The following BANK1 variants were observed in gnomAD, a reference collection of about 807,000 sequenced individuals.
BANK1 encodes the protein B-cell scaffold protein with ankyrin repeats.
BANK1 carries 95 observed loss-of-function variants against 94.5 expected under a neutral mutation model. The observed-to-expected ratio is 1.00, with a 90% CI of 0.85 to 1.19. BANK1 has a LOEUF of 1.19. Ranked by LOEUF, BANK1 falls within the 50% of genes most tolerant of loss-of-function variation. The pLI, the probability that BANK1 is intolerant of heterozygous loss-of-function variation, is 0.00. For synonymous variants in BANK1, 334 were observed against 308.4 expected, an observed-to-expected ratio of 1.08 and a Z score of -0.87; for missense variants, 987 against 932.2, an observed-to-expected ratio of 1.06 and a Z score of -0.77.
chr4:101,973,515 T>G (rs911700152), intron 7 of BANK1, among the ~76,000 whole-genome samples: 4 of 152,084 alleles, frequency 2.6e-5, no homozygotes, highest in Non-Finnish European at 5.9e-5. Flanking sequence ...CCTTAGTCAC[T>G]AAACTTTCCT....
intron 5 of BANK1, among the ~76,000 whole-genome samples, chr4:101,890,474 C>A (rs1182489895): frequency 6.6e-6 from 1 of 151,006 alleles, no homozygotes; most frequent in Admixed American, 6.6e-5. Context: ...ATTAATATAG[C>A]CATTTTTGCT....
In BANK1 at chr4:101,986,539, C is replaced by T. The variant is rs181211316; in HGVS notation, c.1207-34975C>T. ...GATAATTTATCTCTTTGAATTTTTT[C>T]GATGACAAGAAATAGTAAGAGTAAA... is the stretch of plus-strand genomic sequence containing the variant. On this transcript the variant is annotated intron_variant, in intron 7 of 16. Coordinates refer to ENST00000322953, the MANE Select transcript of BANK1 (RefSeq NM_017935.5). Among the ~76,000 whole-genome samples the T allele has an allele frequency of 4.3e-3, 652 of 151,764 alleles. 8 individuals are homozygous for T. The highest frequency in any genetic ancestry group is 0.015 in the African/African-American group (634 of 41,408).
chr4:101,896,298 C>CA, intron 6 of BANK1, among the ~76,000 whole-genome samples: 1 of 151,828 alleles, frequency 6.6e-6, no homozygotes, highest in Non-Finnish European at 1.5e-5. Context: ...ATATGACAGA[C>CA]ATGAAGCTAA....
intron 1 of BANK1, among the ~76,000 whole-genome samples, chr4:101,828,859 T>C (rs1012084971): frequency 6.6e-6 from 1 of 152,064 alleles, no homozygotes; most frequent in Non-Finnish European, 1.5e-5. Context: ...AATCAAGATC[T>C]GTTTTCTCTT....
chr4:101,951,617 T>C (rs1274199873), intron 7 of BANK1, among the ~76,000 whole-genome samples: 2 of 152,084 alleles, frequency 1.3e-5, no homozygotes, highest in Non-Finnish European at 2.9e-5. Flanking sequence ...TTAGATTTAC[T>C]CATATATATA....
intron 5 of BANK1, among the ~76,000 whole-genome samples, chr4:101,883,296 T>G (rs1728740984): frequency 6.6e-6 from 1 of 152,196 alleles, no homozygotes; most frequent in African/African-American, 2.4e-5. Context: ...TTGGTTAAAT[T>G]TAACAGCAGA....
At chr4:101,994,331 C>G (rs1158694318) in intron 7 of BANK1, among the ~76,000 whole-genome samples, 1 of 152,138 alleles carries the variant, frequency 6.6e-6, no homozygotes, top group Non-Finnish European at 1.5e-5. Context: ...CAGACTATTC[C>G]TGATGGAAAC....
intron 4 of BANK1, among the ~76,000 whole-genome samples, chr4:101,868,711 T>C (rs1357135456): frequency 6.6e-6 from 1 of 151,944 alleles, no homozygotes; most frequent in Admixed American, 6.6e-5. Context: ...ACAGTCATCA[T>C]AGTGAACCAA....
chr4:101,926,127 A>G (rs1306604971), intron 7 of BANK1, among the ~76,000 whole-genome samples: 1 of 151,736 alleles, frequency 6.6e-6, no homozygotes, highest in Non-Finnish European at 1.5e-5. Flanking sequence ...AATCCAATGT[A>G]GATTGGGTAT....
intron 7 of BANK1, among the ~76,000 whole-genome samples, chr4:102,004,187 T>C (rs1487404274): frequency 6.6e-6 from 1 of 152,130 alleles, no homozygotes; most frequent in African/African-American, 2.4e-5. Context: ...TATATCCTTA[T>C]TACCAAGAGC....
Position 101,863,919 on chromosome 4 carries a change from G to T in BANK1, c.763+1255G>T, listed in dbSNP as rs145812591. Among the ~76,000 whole-genome samples the T allele has an allele frequency of 3.7e-3, 556 of 152,192 alleles. 3 individuals carry two copies. Among genetic ancestry groups the T allele is most frequent in the African/African-American group, 0.013 (535 of 41,544 alleles). ...CTTAAATAATATTTCCCAAATAGCAGATCAAGATGTCAAATATAATTATTC... is the reference window on the plus strand; with the variant it reads ...CTTAAATAATATTTCCCAAATAGCATATCAAGATGTCAAATATAATTATTC... On this transcript the variant is annotated intron_variant, in intron 4 of 16. Coordinates refer to ENST00000322953, the MANE Select transcript of BANK1 (RefSeq NM_017935.5).
intron 6 of BANK1, among the ~76,000 whole-genome samples, chr4:101,914,723 A>C (rs1722774926): frequency 6.6e-6 from 1 of 152,146 alleles, no homozygotes; most frequent in East Asian, 1.9e-4. Flanking sequence ...AAGTGAACTC[A>C]CCATCAACAC....
At chr4:101,867,360 A>G (rs1438975119) in intron 4 of BANK1, among the ~76,000 whole-genome samples, 1 of 152,058 alleles carries the variant, frequency 6.6e-6, no homozygotes. Context: ...TTTCAAACAG[A>G]AAAATGAAGG....
At chr4:101,989,492 T>C (rs1220555464) in intron 7 of BANK1, among the ~76,000 whole-genome samples, 2 of 147,890 alleles carry the variant, frequency 1.4e-5, no homozygotes, top group Non-Finnish European at 3.0e-5. Context: ...GCCAGAAAAG[T>C]AATATTGATA....
intron 7 of BANK1, among the ~76,000 whole-genome samples, chr4:101,944,078 G>GAC (rs1723847794): frequency 6.6e-6 from 1 of 150,732 alleles, no homozygotes; most frequent in African/African-American, 2.5e-5. Flanking sequence ...GACAGACAGA[G>GAC]AGAGAGAGAA....
chr4:101,843,837 G>A (rs144128936), intron 2 of BANK1, among the ~76,000 whole-genome samples: 26 of 152,254 alleles, frequency 1.7e-4, no homozygotes, highest in African/African-American at 5.8e-4. Context: ...CAGGAGAATC[G>A]CTGGAATCTG....
intron 2 of BANK1, among the ~76,000 whole-genome samples, chr4:101,850,868 G>A (rs34397140): frequency 0.071 from 10,750 of 152,148 alleles, 606 homozygotes; most frequent in East Asian, 0.18. Context: ...AGCAATAGAC[G>A]TTTTGTGTAT....
intron 7 of BANK1, among the ~76,000 whole-genome samples, chr4:101,979,273 T>G (rs1423082810): frequency 6.6e-6 from 1 of 151,982 alleles, no homozygotes; most frequent in African/African-American, 2.4e-5. Flanking sequence ...CCTCTGGTAG[T>G]GTTTAAAATT....
chr4:101,790,754 G>T lies in BANK1; in HGVS notation c.-127G>T. 9.6e-7 allele frequency: 1 copy of T among 1,044,020 alleles called. No individual in the cohort carries two copies. The highest frequency in any genetic ancestry group is 1.4e-6 in the Non-Finnish European group (1 of 707,056). The allele number at this position is 1,044,020 out of a possible 1,614,324, so 64.7% of individuals were successfully genotyped here. ...TGAGACCTGGCCGCAGCCTCCGCGG[G>T]TGGCAAGCGGGCTGGGGAGAGCCGA... On this transcript the variant is annotated 5_prime_UTR_variant, in exon 1 of 17. Transcript: ENST00000322953.
Sources: allele counts gnomAD v4.1 joint callset (sites outside exome capture counted in the v4.1 genomes callset), GRCh38; gene constraint gnomAD v4.1.1; transcripts MANE v1.5; gene names NCBI Gene and HGNC (gene_info 2026-07-23, HGNC 2026-07-21).